The following BCAP29 variants were observed in gnomAD, a reference collection of about 807,000 sequenced individuals.
BCAP29 encodes the protein B cell receptor associated protein 29, also known as B-cell receptor-associated protein 29.
BCAP29 carries 34 observed loss-of-function variants against 31.8 expected under a neutral mutation model. That is an observed-to-expected ratio of 1.07 (90% CI 0.81 to 1.42). The LOEUF (loss-of-function observed/expected upper bound fraction) is 1.42, where lower values mean the gene tolerates loss of function less well. Ranked by LOEUF, BCAP29 falls within the 40% of genes most tolerant of loss-of-function variation. The pLI, the probability that BCAP29 is intolerant of heterozygous loss-of-function variation, is 0.00. For synonymous variants in BCAP29, 104 were observed against 91.3 expected (o/e 1.14, Z -0.79); for missense variants, 314 against 269.2 (o/e 1.17, Z -1.16).
chr7:107,606,729 G>A (rs902377217), intron 6 of BCAP29, among the ~76,000 whole-genome samples: 9 of 152,056 alleles, frequency 5.9e-5, no homozygotes, highest in Admixed American at 2.0e-4. Flanking sequence ...CTATTGATAT[G>A]GAATAATAAA....
At chr7:107,596,105 A>G (rs1363880672) in intron 5 of BCAP29, 103 bp downstream of exon 5, 32 of 993,780 alleles carry the variant, frequency 3.2e-5, no homozygotes, top group Non-Finnish European at 4.4e-5. Flanking sequence ...TTATAAGCAG[A>G]AAATGACCAT....
intron 5 of BCAP29, among the ~76,000 whole-genome samples, chr7:107,599,278 A>G (rs1289683444): frequency 5.1e-5 from 6 of 118,592 alleles, no homozygotes; most frequent in African/African-American, 1.4e-4. Context: ...ATATTTATAT[A>G]TAATTTTTAT....
intron 5 of BCAP29, 25 bp downstream of exon 5, chr7:107,596,027 T>G: frequency 6.5e-7 from 1 of 1,544,346 alleles, no homozygotes; most frequent in East Asian, 2.3e-5. Flanking sequence ...TTGTAAAAAT[T>G]AAATGTTGTT....
chr7:107,615,155 A>G, intron 7 of BCAP29: 1 of 453,602 alleles, frequency 2.2e-6, no homozygotes, highest in South Asian at 1.6e-5. Flanking sequence ...CCATTGTTGA[A>G]TGTCTCCATT....
rs530537428 is a variant in BCAP29, at chr7:107,592,472, T to C, written c.194-1483T>C. The stretch of plus-strand genomic sequence containing the variant: ...GGATATGGAGAAATTGGAACCAACA[T>C]ACACTGCTTGTGGGAATGTAAAGTA... On this transcript the variant is annotated intron_variant, in intron 3 of 7. Transcript: ENST00000005259. 5.3e-5 allele frequency among the ~76,000 whole-genome samples: 8 copies of C among 152,330 alleles called. 2 individuals are homozygous for C. The highest frequency in any genetic ancestry group is 1.9e-4 in the African/African-American group (8 of 41,574).
In BCAP29 at chr7:107,580,287, G is replaced by C. The variant is rs1007963666; in HGVS notation, c.-29G>C. On this transcript the variant is annotated 5_prime_UTR_variant, in exon 1 of 8. Coordinates refer to ENST00000005259, the MANE Select transcript of BCAP29 (RefSeq NM_018844.4). ...GCCGCGGAGCAGCGCAGGGAGCCAG[G>C]CGGGCTGCCGGCGGGTAAGGGCTTC... 1 of 152,096 alleles carries C rather than the reference G, an allele frequency of 6.6e-6. No homozygotes were observed. Among genetic ancestry groups the C allele is most frequent in the Non-Finnish European group, 1.5e-5 (1 of 68,140 alleles). The allele number at this position is 152,096 out of a possible 1,614,324, so 9.4% of individuals were successfully genotyped here. A position where few individuals can be genotyped will look rare whatever the true frequency, so the allele number is the denominator to read the frequency against.
At chr7:107,582,501 T>C (rs1206193846) in intron 2 of BCAP29, among the ~76,000 whole-genome samples, 1 of 152,202 alleles carries the variant, frequency 6.6e-6, no homozygotes, top group Non-Finnish European at 1.5e-5. Context: ...CATAACCCAG[T>C]GGTTAAAGGC....
rs1809720293 is a variant in BCAP29, at chr7:107,595,865, A to G, written c.345-2A>G. On this transcript the variant is annotated splice_acceptor_variant, in intron 4 of 7. Coordinates refer to ENST00000005259, the MANE Select transcript of BCAP29 (RefSeq NM_018844.4). LOFTEE classifies it high-confidence loss of function. The stretch of plus-strand genomic sequence containing the variant: ...ATACATTATTCTGGTTTTTTTTCTT[A>G]GAGTTTTGAGACGTCTGGTTACGCT... 3.1e-6 allele frequency: 5 copies of G among 1,591,410 alleles called. No individual in the cohort carries two copies. Among genetic ancestry groups the G allele is most frequent in the Non-Finnish European group, 1.7e-6 (2 of 1,174,196 alleles).
At chr7:107,591,264 T>C (rs1585079419) in intron 3 of BCAP29, among the ~76,000 whole-genome samples, 1 of 152,186 alleles carries the variant, frequency 6.6e-6, no homozygotes, top group South Asian at 2.1e-4. Flanking sequence ...GCTTCTAAAA[T>C]TTATGCAGAC....
At chr7:107,601,612 C>T (rs745592656) in intron 6 of BCAP29, among the ~76,000 whole-genome samples, 33 of 152,092 alleles carry the variant, frequency 2.2e-4, no homozygotes, top group Non-Finnish European at 4.3e-4. Context: ...TTCTGTAATT[C>T]CAAAAGATTT....
Position 107,590,119 on chromosome 7 carries a change from C to A in BCAP29, c.194-3836C>A, listed in dbSNP as rs555647678. Among the ~76,000 whole-genome samples, 143 of 151,978 alleles carry A rather than the reference C, an allele frequency of 9.4e-4. 1 individual carries two copies. Among genetic ancestry groups the A allele is most frequent in the African/African-American group, 3.2e-3 (132 of 41,424 alleles). On this transcript the variant is annotated intron_variant, in intron 3 of 7. Transcript: ENST00000005259. ...TACAATATATTAAAATTTTAAGATG[C>A]CATTAAAGCACTGCTTAAAGGAAAA...
At chr7:107,588,682 C>T (rs75169954) in intron 3 of BCAP29, among the ~76,000 whole-genome samples, 50 of 151,986 alleles carry the variant, frequency 3.3e-4, no homozygotes, top group African/African-American at 1.2e-3. Context: ...GCATAGACAA[C>T]GATATAGAAC....
intron 6 of BCAP29, among the ~76,000 whole-genome samples, chr7:107,608,750 G>A (rs1812616525): frequency 6.6e-6 from 1 of 152,158 alleles, no homozygotes; most frequent in Non-Finnish European, 1.5e-5. Flanking sequence ...GTTTTTGATT[G>A]ACGGTGTTTT....
At chr7:107,606,804 T>TA (rs1812182634) in intron 6 of BCAP29, among the ~76,000 whole-genome samples, 1 of 152,174 alleles carries the variant, frequency 6.6e-6, no homozygotes, top group Non-Finnish European at 1.5e-5. Flanking sequence ...GTTAGGGAAA[T>TA]AAAAAATGGG....
At chr7:107,600,242 C>A in intron 5 of BCAP29, 155 bp from the exon 6 acceptor site, 1 of 664,164 alleles carries the variant, frequency 1.5e-6, no homozygotes, top group Non-Finnish European at 2.7e-6. Flanking sequence ...TTTCTGTTAG[C>A]AAAAGTACAT....
chr7:107,613,407 T>C lies in BCAP29; in HGVS notation c.665T>C (p.Leu222Pro). 2 of 1,611,444 alleles carry C rather than the reference T, an allele frequency of 1.2e-6. No homozygotes were observed. The highest frequency in any genetic ancestry group is 1.7e-6 in the Non-Finnish European group (2 of 1,177,800). The change falls in exon 7 of 8, where the codon CTC (leucine) becomes CCC (proline). Residue 222 changes from leucine to proline, a missense_variant. Coordinates refer to ENST00000005259, the MANE Select transcript of BCAP29 (RefSeq NM_018844.4). ...AGACTTTCGAAAGAATATGATCAAC[T>C]CCTGAAAGAACACTCTGAACTTCAG... ...SERLSKEYDQ[L>P]LKEHSELQDR...
At chr7:107,620,778 T>C (rs1467916139), downstream of BCAP29, 2 of 152,364 alleles carry the variant, frequency 1.3e-5, no homozygotes, top group East Asian at 3.9e-4. Flanking sequence ...CCTTGTTCTT[T>C]AGGGCATAAG....
Position 107,619,724 on chromosome 7 carries a change from G to A in BCAP29, c.*1361G>A, listed in dbSNP as rs1814745959. 1 of 152,150 alleles carries A rather than the reference G, an allele frequency of 6.6e-6. No homozygotes were observed. Among genetic ancestry groups the A allele is most frequent in the Non-Finnish European group, 1.5e-5 (1 of 68,014 alleles). The allele number at this position is 152,150 out of a possible 1,614,324, so 9.4% of individuals were successfully genotyped here. A position where few individuals can be genotyped will look rare whatever the true frequency, so the allele number is the denominator to read the frequency against. On this transcript the variant is annotated 3_prime_UTR_variant, in exon 8 of 8. Transcript: ENST00000005259. The stretch of plus-strand genomic sequence containing the variant: ...TGAAATAGGAGAGAACAGAGCAAAT[G>A]TTAGCTCAAAGTATAGACTTAGAAA...
chr7:107,580,464 G>A (rs1222306768), intron 1 of BCAP29, 163 bp downstream of exon 1: 1 of 298,256 alleles, frequency 3.4e-6, no homozygotes, highest in East Asian at 9.7e-5. Flanking sequence ...GGAGCGGGAG[G>A]GCCGGGAAGC....
Sources: allele counts gnomAD v4.1 joint callset (sites outside exome capture counted in the v4.1 genomes callset), GRCh38; gene constraint gnomAD v4.1.1; transcripts MANE v1.5; gene names NCBI Gene and HGNC (gene_info 2026-07-23, HGNC 2026-07-21).